Variants in SLC25A12 observed in about 807,000 individuals in gnomAD.
The protein encoded by SLC25A12 is electrogenic aspartate/glutamate antiporter SLC25A12, mitochondrial.
A neutral mutation model predicts 83.3 loss-of-function variants in SLC25A12; 32 were observed. The ratio of observed to expected loss-of-function variants is 0.38; its 90% CI spans 0.29 to 0.52. SLC25A12 has a LOEUF of 0.52. SLC25A12 is among the 20% of genes least tolerant of loss of function. The probability of loss-of-function intolerance (pLI) is 0.84; values close to 1 mark genes in which losing one functional copy is unlikely to be tolerated. For synonymous variants in SLC25A12, 267 were observed against 291.1 expected, an observed-to-expected ratio of 0.92 and a Z score of 0.84; for missense variants, 611 against 835.6, an observed-to-expected ratio of 0.73 and a Z score of 3.31.
At chr2:171,842,393 G>A (rs1684698871) in intron 5 of SLC25A12, among the ~76,000 whole-genome samples, 1 of 152,044 alleles carries the variant, frequency 6.6e-6, no homozygotes, top group Non-Finnish European at 1.5e-5. Context: ...AGGAGTTCGA[G>A]ACTAGCCTGG....
Position 171,791,442 on chromosome 2 carries a change from T to A in SLC25A12, c.1585+9A>T, listed in dbSNP as rs1683455199. The A allele has an allele frequency of 6.2e-7, 1 of 1,613,258 alleles. No homozygotes were observed. The highest frequency in any genetic ancestry group is 8.5e-7 in the Non-Finnish European group (1 of 1,179,338). ...GAATTCTTTCAGTTAAAAAAAAATT[T>A]GTAGTTACCTGCCATGGCTCCAGCT... is the stretch of plus-strand genomic sequence containing the variant. On this transcript the variant is annotated intron_variant, in intron 15 of 17. Coordinates refer to ENST00000422440, the MANE Select transcript of SLC25A12 (RefSeq NM_003705.5).
intron 2 of SLC25A12, among the ~76,000 whole-genome samples, chr2:171,871,187 G>T (rs1436312490): frequency 6.6e-6 from 1 of 152,102 alleles, no homozygotes; most frequent in Non-Finnish European, 1.5e-5. Context: ...GAGTGACAGA[G>T]CAAGACCCTG....
intron 4 of SLC25A12, among the ~76,000 whole-genome samples, chr2:171,849,583 C>A (rs1252937816): frequency 8.9e-6 from 1 of 112,324 alleles, no homozygotes; most frequent in African/African-American, 3.7e-5. Flanking sequence ...TTTTTTGAGA[C>A]GGAGTTTTGC....
At position 171,783,586 on chromosome 2, in the gene SLC25A12, G is replaced by C; in HGVS notation, c.*1688C>G. On this transcript the variant is annotated 3_prime_UTR_variant, in exon 18 of 18. Transcript: ENST00000422440. ...TACATATTCATGCTGTAACCTGTTA[G>C]CAGTGATTACCTCTGGGCCAGGAAG... 6.6e-6 allele frequency among the ~76,000 whole-genome samples: 1 copy of C among 152,134 alleles called. No individual in the cohort carries two copies. The highest frequency in any genetic ancestry group is 1.5e-5 in the Non-Finnish European group (1 of 68,042).
intron 13 of SLC25A12, among the ~76,000 whole-genome samples, chr2:171,799,782 A>T (rs1274304708): frequency 6.6e-6 from 1 of 152,230 alleles, no homozygotes; most frequent in Non-Finnish European, 1.5e-5. Context: ...ACTGAAAGCA[A>T]GACACAAAGG....
At chr2:171,842,993 G>C (rs1260282645) in intron 5 of SLC25A12, among the ~76,000 whole-genome samples, 1 of 152,008 alleles carries the variant, frequency 6.6e-6, no homozygotes, top group Non-Finnish European at 1.5e-5. Context: ...GCTAATTTTT[G>C]TATTTTTAGT....
At chr2:171,888,434 A>T (rs114219626) in intron 2 of SLC25A12, among the ~76,000 whole-genome samples, 5,002 of 150,886 alleles carry the variant, frequency 0.033, 131 homozygotes, top group African/African-American at 0.069. Context: ...ATATATATAT[A>T]TTTTTTTAAT....
At chr2:171,873,636 C>T (rs752896408) in intron 2 of SLC25A12, among the ~76,000 whole-genome samples, 6 of 152,048 alleles carry the variant, frequency 3.9e-5, no homozygotes, top group Admixed American at 3.3e-4. Flanking sequence ...AGTCTTCCTC[C>T]TACTTCTGTT....
intron 3 of SLC25A12, among the ~76,000 whole-genome samples, chr2:171,859,186 G>C (rs960887769): frequency 1.3e-5 from 2 of 152,156 alleles, no homozygotes; most frequent in Non-Finnish European, 2.9e-5. Flanking sequence ...ACTATTATAA[G>C]AAGCTATTGG....
chr2:171,793,831 G>C, intron 13 of SLC25A12, 64 bp from the exon 14 acceptor site: 2 of 1,582,326 alleles, frequency 1.3e-6, no homozygotes, highest in Non-Finnish European at 1.7e-6. Context: ...GCGTAAAAAA[G>C]GAAAATCCAG....
rs1690441167 is a variant in SLC25A12 at position 171,783,959 on chromosome 2, A to G, written c.*1315T>C. ...TGAAAATATTTGCATACATTCTCATATCCCAGCTTACTGGCAGTAGCAATA... is the reference window on the plus strand; with the variant it reads ...TGAAAATATTTGCATACATTCTCATGTCCCAGCTTACTGGCAGTAGCAATA... On this transcript the variant is annotated 3_prime_UTR_variant, in exon 18 of 18. Transcript: ENST00000422440. Among the ~76,000 whole-genome samples the G allele has an allele frequency of 6.6e-6, 1 of 152,314 alleles. No homozygotes were observed. The highest frequency in any genetic ancestry group is 2.1e-4 in the South Asian group (1 of 4,826).
At chr2:171,887,978 A>G (rs1388310552) in intron 2 of SLC25A12, among the ~76,000 whole-genome samples, 1 of 152,190 alleles carries the variant, frequency 6.6e-6, no homozygotes, top group Non-Finnish European at 1.5e-5. Context: ...TATATTCAAA[A>G]TAATAATGCT....
intron 8 of SLC25A12, among the ~76,000 whole-genome samples, chr2:171,833,204 C>A (rs1216602147): frequency 6.6e-6 from 1 of 152,174 alleles, no homozygotes; most frequent in Non-Finnish European, 1.5e-5. Flanking sequence ...CTAGACAGAG[C>A]AGTGCTAGAG....
rs767805172 is a variant in SLC25A12, at chr2:171,868,672, G to A, written c.209+9C>T. On this transcript the variant is annotated intron_variant, in intron 3 of 17. Coordinates refer to ENST00000422440, the MANE Select transcript of SLC25A12 (RefSeq NM_003705.5). ...CATTAGTTTTCAGAAAATGCATGAA[G>A]ATACTTACCCATCCTTGGTTTGATC... 6.2e-7 allele frequency: 1 copy of A among 1,612,930 alleles called. No individual in the cohort carries two copies.
At chr2:171,785,733 GA>G (rs1459142594) in intron 17 of SLC25A12, among the ~76,000 whole-genome samples, 1 of 152,078 alleles carries the variant, frequency 6.6e-6, no homozygotes, top group African/African-American at 2.4e-5. Context: ...AAATCCATAG[GA>G]AAAAAGTCAG....
chr2:171,890,800 T>C (rs1373606730), intron 2 of SLC25A12, among the ~76,000 whole-genome samples: 2 of 152,152 alleles, frequency 1.3e-5, no homozygotes, highest in Non-Finnish European at 2.9e-5. Flanking sequence ...TTATCTTTCT[T>C]GCTGCGTTAG....
chr2:171,863,473 C>G (rs914757933), intron 3 of SLC25A12, among the ~76,000 whole-genome samples: 3 of 151,124 alleles, frequency 2.0e-5, no homozygotes, highest in African/African-American at 7.3e-5. Context: ...TTGCAGTGAG[C>G]TGAGATCACA....
chr2:171,840,699 T>G (rs1191327390), intron 5 of SLC25A12, among the ~76,000 whole-genome samples: 1 of 151,960 alleles, frequency 6.6e-6, no homozygotes, highest in South Asian at 2.1e-4. Context: ...AATGTAACAT[T>G]TAATAGTCCT....
chr2:171,884,284 G>A (rs1685764876), intron 2 of SLC25A12, among the ~76,000 whole-genome samples: 1 of 150,408 alleles, frequency 6.6e-6, no homozygotes, highest in South Asian at 2.1e-4. Context: ...TCTGCCTCCT[G>A]GGTTCAAGCA....
Sources: allele counts gnomAD v4.1 joint callset (sites outside exome capture counted in the v4.1 genomes callset), GRCh38; gene constraint gnomAD v4.1.1; transcripts MANE v1.5; gene names NCBI Gene and HGNC (gene_info 2026-07-23, HGNC 2026-07-21).